The following CACNA1D variants were observed in gnomAD, a reference collection of about 807,000 sequenced individuals.
The protein encoded by CACNA1D is voltage-dependent L-type calcium channel subunit alpha-1D.
Under a neutral mutation model 257.1 loss-of-function variants are expected in CACNA1D, and 55 were observed. The observed-to-expected ratio is 0.21, with a 90% CI of 0.17 to 0.27. The LOEUF is 0.27. Ranked by LOEUF, CACNA1D falls within the 10% of genes least tolerant of loss-of-function variation. CACNA1D has a pLI of 1.00. For synonymous variants in CACNA1D, 980 were observed against 1,014.9 expected (o/e 0.97, Z 0.65); for missense variants, 1,876 against 2,784.0 (o/e 0.67, Z 7.34).
rs1306811983 is a variant in CACNA1D, at chr3:53,556,847, C to T, written c.483+55127C>T. Among the ~76,000 whole-genome samples the T allele has an allele frequency of 5.9e-5, 9 of 152,096 alleles. 1 individual carries two copies. The South Asian group carries it at 1.9e-3, about 32-fold the overall frequency. On this transcript the variant is annotated intron_variant, in intron 3 of 47. Coordinates refer to ENST00000350061, the MANE Select transcript of CACNA1D (RefSeq NM_001128840.3). ...TCTCCTGCCTCAGCCTCCTGAGTAG[C>T]TGGGGCTACAGGCATGTACCACCAT...
At chr3:53,691,649 TGTGA>T (rs1435179097) in intron 8 of CACNA1D, among the ~76,000 whole-genome samples, 1 of 137,072 alleles carries the variant, frequency 7.3e-6, no homozygotes, top group South Asian at 2.2e-4. Context: ...TTTATTTCTG[TGTGA>T]GTGTGTGTGT....
intron 3 of CACNA1D, among the ~76,000 whole-genome samples, chr3:53,521,729 A>G (rs1276293380): frequency 2.0e-5 from 3 of 152,312 alleles, no homozygotes; most frequent in Admixed American, 6.5e-5. Context: ...AAGGTACACT[A>G]TATAGCCTGG....
intron 3 of CACNA1D, among the ~76,000 whole-genome samples, chr3:53,625,063 C>A (rs2093741261): frequency 6.6e-6 from 1 of 152,140 alleles, no homozygotes; most frequent in Non-Finnish European, 1.5e-5. Flanking sequence ...GTTTTCAGCC[C>A]TGGATAAAGA....
intron 14 of CACNA1D, among the ~76,000 whole-genome samples, chr3:53,726,353 C>G (rs914902638): frequency 2.6e-5 from 4 of 152,098 alleles, no homozygotes. Flanking sequence ...GCACATAAAT[C>G]TTGGCTGGGT....
In CACNA1D at chr3:53,718,325, A is replaced by G; in HGVS notation, c.1415A>G (p.Glu472Gly). ...RNTSMPTSET[E>G]SVNTENVSGE... is the part of the protein sequence containing the mutation. ...GCTAGCATGCCCACCAGCGAGACTG[A>G]GTCTGTGAACACAGAGAACGTCAGC... The change falls in exon 10 of 48, where the codon GAG (glutamate) becomes GGG (glycine). Residue 472 changes from glutamate to glycine, a missense_variant. By Grantham distance (98) the Glu-to-Gly change is moderately conservative (BLOSUM62 -2). Around this residue, in one of 10 missense-constraint regions of CACNA1D, gnomAD observed 257 missense variants for 399.7 expected, o/e 0.64. Coordinates refer to ENST00000350061, the MANE Select transcript of CACNA1D (RefSeq NM_001128840.3). 1 of 1,614,106 alleles carries G rather than the reference A, an allele frequency of 6.2e-7. No individual in the cohort carries two copies. The highest frequency in any genetic ancestry group is 8.5e-7 in the Non-Finnish European group (1 of 1,179,974).
chr3:53,520,152 G>C (rs145772836), intron 3 of CACNA1D, among the ~76,000 whole-genome samples: 1 of 152,230 alleles, frequency 6.6e-6, no homozygotes, highest in African/African-American at 2.4e-5. Context: ...AATTCTCTTG[G>C]CTATATTCCT....
intron 3 of CACNA1D, among the ~76,000 whole-genome samples, chr3:53,633,691 C>T (rs997751315): frequency 6.6e-6 from 1 of 152,178 alleles, no homozygotes; most frequent in Non-Finnish European, 1.5e-5. Context: ...GTGTTGGCTC[C>T]ACAGACGTGC....
At chr3:53,547,519 T>C (rs1408012177) in intron 3 of CACNA1D, among the ~76,000 whole-genome samples, 1 of 152,208 alleles carries the variant, frequency 6.6e-6, no homozygotes, top group African/African-American at 2.4e-5. Flanking sequence ...TTCTAGAAAG[T>C]TGTGAGTCAG....
chr3:53,737,088 C>T (rs1437146856), intron 20 of CACNA1D, among the ~76,000 whole-genome samples: 6 of 152,096 alleles, frequency 3.9e-5, no homozygotes, highest in Non-Finnish European at 7.4e-5. Context: ...CGCTTGAGGT[C>T]AGGAGTTTGA....
intron 3 of CACNA1D, among the ~76,000 whole-genome samples, chr3:53,527,845 A>C (rs1251074827): frequency 2.0e-5 from 3 of 152,242 alleles, no homozygotes; most frequent in Non-Finnish European, 4.4e-5. Flanking sequence ...ATTCTATTTC[A>C]AGACATTTGA....
chr3:53,640,080 T>C (rs556087800), intron 3 of CACNA1D, among the ~76,000 whole-genome samples: 1 of 152,062 alleles, frequency 6.6e-6, no homozygotes, highest in Non-Finnish European at 1.5e-5. Flanking sequence ...CAGGCTGGTC[T>C]TGAACTCATG....
chr3:53,599,598 C>G (rs978438045), intron 3 of CACNA1D, among the ~76,000 whole-genome samples: 3 of 152,192 alleles, frequency 2.0e-5, no homozygotes, highest in African/African-American at 7.2e-5. Context: ...TACTTCCCAT[C>G]TCTAAGCCTC....
intron 14 of CACNA1D, 85 bp downstream of exon 14, chr3:53,724,084 A>G (rs892634177): frequency 1.8e-6 from 2 of 1,093,564 alleles, no homozygotes; most frequent in Admixed American, 3.5e-5. Context: ...ACACTCAGGA[A>G]GACAAAAGGA....
At chr3:53,609,310 T>C (rs749830946) in intron 3 of CACNA1D, among the ~76,000 whole-genome samples, 1 of 147,762 alleles carries the variant, frequency 6.8e-6, no homozygotes, top group Non-Finnish European at 1.5e-5. Context: ...CTTGGGAGAC[T>C]GAGGCAGAAG....
At chr3:53,677,398 C>T (rs986316361) in intron 8 of CACNA1D, among the ~76,000 whole-genome samples, 4 of 152,272 alleles carry the variant, frequency 2.6e-5, no homozygotes, top group African/African-American at 9.6e-5. Flanking sequence ...GACATCCTGT[C>T]TTGCCGTCTC....
intron 3 of CACNA1D, among the ~76,000 whole-genome samples, chr3:53,607,476 A>C (rs373800825): frequency 6.6e-6 from 1 of 152,206 alleles, no homozygotes; most frequent in Non-Finnish European, 1.5e-5. Context: ...TGAGAACTCA[A>C]CCTGCTGACT....
At chr3:53,554,582 A>C (rs1283939546) in intron 3 of CACNA1D, among the ~76,000 whole-genome samples, 1 of 152,184 alleles carries the variant, frequency 6.6e-6, no homozygotes, top group Non-Finnish European at 1.5e-5. Context: ...ACCGTTTCCT[A>C]GGTCTTTTTC....
intron 4 of CACNA1D, among the ~76,000 whole-genome samples, chr3:53,658,978 G>A (rs1034232188): frequency 6.6e-6 from 1 of 152,154 alleles, no homozygotes; most frequent in Non-Finnish European, 1.5e-5. Flanking sequence ...TTATGGACTC[G>A]GTGTCTTGGC....
chr3:53,627,574 G>C (rs1016374547), intron 3 of CACNA1D, among the ~76,000 whole-genome samples: 1 of 136,824 alleles, frequency 7.3e-6, no homozygotes, highest in African/African-American at 2.7e-5. Context: ...CTGATGCTGT[G>C]TTCCCTCTCA....
Sources: gnomAD v4.1 joint callset for allele counts (sites outside exome capture counted in the v4.1 genomes callset) on GRCh38, gnomAD v4.1.1 for gene constraint, gnomAD v4.1.1 regional missense constraint, MANE v1.5 for transcripts, NCBI Gene and HGNC (gene_info 2026-07-23, HGNC 2026-07-21) for gene names.